OR8B3: variants seen among roughly 807,000 people sequenced by gnomAD.
OR8B3 encodes olfactory receptor 8B3.
For synonymous variants in OR8B3, 102 were observed against 135.4 expected (o/e 0.75, Z 1.71); for missense variants, 278 against 377.6 (o/e 0.74, Z 2.19).
intron 1 of OR8B3, among the ~76,000 whole-genome samples, chr11:124,397,698 T>TC (rs1476599901): frequency 6.6e-6 from 1 of 151,526 alleles, no homozygotes; most frequent in Non-Finnish European, 1.5e-5. Flanking sequence ...CTTCCTAGTT[T>TC]CTTTTTTTTT....
chr11:124,405,040 C>T, the OR8B3 span: 5 of 152,116 alleles, frequency 3.3e-5, no homozygotes, highest in Admixed American at 2.6e-4. Context: ...ACTGGGGCAG[C>T]GGGAGTTTGT....
the OR8B3 span, among the ~76,000 whole-genome samples, chr11:124,406,386 T>C: frequency 1.3e-5 from 2 of 152,132 alleles, no homozygotes; most frequent in African/African-American, 4.8e-5. Context: ...TTGTTCTCCT[T>C]CTCCTCATTC....
chr11:124,398,087 A>G lies in OR8B3; in HGVS notation c.-18+603T>C, dbSNP rs894475786. The stretch of plus-strand genomic sequence containing the variant: ...AGGTAAGGGAGGATTCCTTTAGGGC[A>G]GAGACCATACCGATATTCTGTTTCC... On this transcript the variant is annotated intron_variant, in intron 1 of 1. Coordinates refer to ENST00000641139, the MANE Select transcript of OR8B3 (RefSeq NM_001005467.2). Among the ~76,000 whole-genome samples, 6 of 152,328 alleles carry G rather than the reference A, an allele frequency of 3.9e-5. No individual in the cohort carries two copies. In the East Asian group the frequency reaches 1.2e-3, roughly 29 times the overall value.
the OR8B3 span, among the ~76,000 whole-genome samples, chr11:124,406,625 A>G: frequency 6.6e-6 from 1 of 152,074 alleles, no homozygotes; most frequent in South Asian, 2.1e-4. Flanking sequence ...TTCTTCATCC[A>G]GGCTTCATGT....
At position 124,396,735 on chromosome 11, in the gene OR8B3, T is replaced by C; in HGVS notation, c.617A>G (p.Asn206Ser). The change falls in exon 2 of 2, where the codon AAT becomes AGT. Residue 206 changes from asparagine to serine, a missense_variant. Asn to Ser is a conservative substitution (Grantham distance 46, BLOSUM62 1). Coordinates refer to ENST00000641139, the MANE Select transcript of OR8B3 (RefSeq NM_001005467.2). Reference sequence around the variant, plus strand: ...GATGGTACAACTGGGTACCATGATATTAATACCCACAACAATGAGAACAAC... The same window carrying C: ...GATGGTACAACTGGGTACCATGATACTAATACCCACAACAATGAGAACAAC... ...EVVVLIVVGI[N>S]IMVPSCTILI... is the part of the protein sequence containing the mutation. 6 of 1,613,878 alleles carry C rather than the reference T, an allele frequency of 3.7e-6. No homozygotes were observed. Among genetic ancestry groups the C allele is most frequent in the Non-Finnish European group, 5.1e-6 (6 of 1,179,848 alleles).
intron 1 of OR8B3, among the ~76,000 whole-genome samples, chr11:124,398,308 C>T (rs1036645200): frequency 2.6e-4 from 39 of 152,284 alleles, no homozygotes; most frequent in African/African-American, 8.9e-4. Context: ...TGTGCTTTCA[C>T]AGGTCTTTGT....
chr11:124,407,233 A>T, the OR8B3 span, among the ~76,000 whole-genome samples: 2 of 152,128 alleles, frequency 1.3e-5, no homozygotes, highest in African/African-American at 4.8e-5. Flanking sequence ...ACATTTTGAG[A>T]TCTCTTGTCA....
chr11:124,400,150 C>T (rs932840217), upstream of OR8B3, among the ~76,000 whole-genome samples: 5 of 152,156 alleles, frequency 3.3e-5, no homozygotes, highest in Admixed American at 6.5e-5. Context: ...AGTGAGTCAC[C>T]ATACCCAGCC....
the OR8B3 span, chr11:124,405,131 G>T: frequency 6.6e-6 from 1 of 152,130 alleles, no homozygotes; most frequent in Admixed American, 6.5e-5. Context: ...ATAAGAACAG[G>T]GGCAGACAGT....
chr11:124,401,222 C>CAGAGAGAGGGAGAGAGAG (rs1860988807), upstream of OR8B3, among the ~76,000 whole-genome samples: 2 of 142,398 alleles, frequency 1.4e-5, no homozygotes, highest in South Asian at 4.6e-4. Context: ...TGCAAAGAGA[C>CAGAGAGAGGGAGAGAGAG]AGAGAGAGAG....
At chr11:124,404,703 T>C in the OR8B3 span, 1 of 152,240 alleles carries the variant, frequency 6.6e-6, no homozygotes, top group Non-Finnish European at 1.5e-5. Flanking sequence ...GCCATGTGCA[T>C]TTTCTAGTTT....
At chr11:124,401,382 A>G (rs1197913210), upstream of OR8B3, among the ~76,000 whole-genome samples, 1 of 152,242 alleles carries the variant, frequency 6.6e-6, no homozygotes, top group Non-Finnish European at 1.5e-5. Context: ...CTACAATGGC[A>G]ATTAAATTTC....
At position 124,396,457 on chromosome 11, in the gene OR8B3, C is replaced by G. The variant is rs375945923; in HGVS notation, c.895G>C (p.Ala299Pro). Residue 299 changes from alanine (A) to proline (P), a missense_variant, in exon 2 of 2, where the codon GCA becomes CCA. Coordinates refer to ENST00000641139, the MANE Select transcript of OR8B3 (RefSeq NM_001005467.2). ...ATTTTAATCAGAGCTTTCCTCAGTG[C>G]AACTTTGACATCCTTGTTCCTCAAA... ...YSLRNKDVKV[A>P]LRKALIKIQR... is the part of the protein sequence containing the mutation. The G allele has an allele frequency of 3.1e-6, 5 of 1,613,336 alleles. No individual in the cohort carries two copies.
upstream of OR8B3, among the ~76,000 whole-genome samples, chr11:124,402,934 G>T (rs1384657126): frequency 6.6e-6 from 1 of 151,936 alleles, no homozygotes; most frequent in Non-Finnish European, 1.5e-5. Flanking sequence ...AGATAAACAA[G>T]TGAACAAAGG....
At chr11:124,401,333 A>C (rs1319415448), upstream of OR8B3, among the ~76,000 whole-genome samples, 1 of 152,038 alleles carries the variant, frequency 6.6e-6, no homozygotes, top group Non-Finnish European at 1.5e-5. Flanking sequence ...TCATGGCCTA[A>C]TCACAATCAC....
intron 1 of OR8B3, among the ~76,000 whole-genome samples, chr11:124,397,892 A>G (rs111990996): frequency 0.01 from 1,539 of 152,064 alleles, 36 homozygotes; most frequent in African/African-American, 0.035. Flanking sequence ...ACAGTGTTTC[A>G]TGATATTGGT....
intron 1 of OR8B3, among the ~76,000 whole-genome samples, chr11:124,398,042 G>A (rs1487246473): frequency 6.6e-6 from 1 of 152,058 alleles, no homozygotes; most frequent in East Asian, 1.9e-4. Context: ...AGACACTTCA[G>A]TTTCCTTGTG....
the OR8B3 span, among the ~76,000 whole-genome samples, chr11:124,407,800 T>C: frequency 6.6e-6 from 1 of 152,144 alleles, no homozygotes; most frequent in African/African-American, 2.4e-5. Flanking sequence ...AACCTCCAGT[T>C]TAAAGCTTAA....
the OR8B3 span, chr11:124,404,819 A>C: frequency 6.6e-6 from 1 of 152,200 alleles, no homozygotes; most frequent in Admixed American, 6.5e-5. Context: ...ATGCAAAAGA[A>C]ATATAGCTAC....
Sources: gnomAD v4.1 joint callset for allele counts (sites outside exome capture counted in the v4.1 genomes callset) on GRCh38, gnomAD v4.1.1 for gene constraint, MANE v1.5 for transcripts, NCBI Gene and HGNC (gene_info 2026-07-23, HGNC 2026-07-21) for gene names.